The following RIMS2 variants were observed in gnomAD, a reference collection of about 807,000 sequenced individuals.
The protein encoded by RIMS2 is regulating synaptic membrane exocytosis protein 2.
RIMS2 carries 59 observed loss-of-function variants against 174.4 expected under a neutral mutation model. The observed-to-expected ratio is 0.34, with a 90% confidence interval of 0.27 to 0.42. The LOEUF is 0.42. RIMS2 is among the 10% of genes least tolerant of loss of function. RIMS2 has a pLI of 1.00. For missense variants in RIMS2, 1,620 were observed against 1,666.3 expected (o/e 0.97, Z 0.48); for synonymous variants, 606 against 572.5 (o/e 1.06, Z -0.84).
chr8:103,794,134 A>T (rs750863536), intron 3 of RIMS2, among the ~76,000 whole-genome samples: 2 of 152,206 alleles, frequency 1.3e-5, no homozygotes, highest in African/African-American at 2.4e-5. Flanking sequence ...TGACCATCCT[A>T]AGCCAAAAGA....
At chr8:104,118,949 C>A (rs995765750) in intron 19 of RIMS2, among the ~76,000 whole-genome samples, 2 of 152,044 alleles carry the variant, frequency 1.3e-5, no homozygotes, top group African/African-American at 4.8e-5. Context: ...ACCTAATTAC[C>A]TCCCAAAGGG....
At chr8:103,836,888 G>T (rs1203542799) in intron 3 of RIMS2, among the ~76,000 whole-genome samples, 2 of 152,172 alleles carry the variant, frequency 1.3e-5, no homozygotes, top group Non-Finnish European at 2.9e-5. Flanking sequence ...TGCAACAAAT[G>T]TATAGATGAG....
intron 1 of RIMS2, among the ~76,000 whole-genome samples, chr8:103,621,245 A>G (rs2059587): frequency 0.38 from 57,283 of 152,072 alleles, 11,141 homozygotes; most frequent in African/African-American, 0.4. Flanking sequence ...GTTTTGCCAC[A>G]AGAGTACACT....
At position 103,843,791 on chromosome 8, in the gene RIMS2, C is replaced by T. The variant is rs1203236416; in HGVS notation, c.699-41507C>T. On this transcript the variant is annotated intron_variant, in intron 3 of 23. Coordinates refer to ENST00000504942, the Ensembl canonical transcript of RIMS2. ...AATAATTATTTGTCTTTTTTATCGT[C>T]TTTTAGAATCTTATAAAAATTTATG... Among the ~76,000 whole-genome samples the T allele has an allele frequency of 2.6e-5, 4 of 152,046 alleles. No individual in the cohort carries two copies. The East Asian group carries it at 7.7e-4, about 29-fold the overall frequency.
intron 3 of RIMS2, among the ~76,000 whole-genome samples, chr8:103,777,570 TA>T (rs1295534483): frequency 2.6e-5 from 4 of 152,002 alleles, no homozygotes; most frequent in Non-Finnish European, 5.9e-5. Context: ...TTTATTTAAG[TA>T]AAAAGCTATT....
rs201525954 is a variant in RIMS2 at position 103,829,094 on chromosome 8, T to G, written c.699-56204T>G. On this transcript the variant is annotated intron_variant, in intron 3 of 23. Transcript: ENST00000504942. ...TGTGAATTTAATAATAGGTTTTTTT[T>G]TTTTTTTTTGCTAATTTGGTGCAAA... Among the ~76,000 whole-genome samples the G allele has an allele frequency of 4.6e-5, 7 of 151,764 alleles. 1 individual carries two copies. Among genetic ancestry groups the G allele is most frequent in the African/African-American group, 1.7e-4 (7 of 41,458 alleles).
At chr8:103,840,873 A>G (rs977753671) in intron 3 of RIMS2, among the ~76,000 whole-genome samples, 1 of 152,212 alleles carries the variant, frequency 6.6e-6, no homozygotes, top group Non-Finnish European at 1.5e-5. Context: ...CAAAAATATA[A>G]TTATAGCATA....
chr8:103,501,015 C>A, exon 1 of RIMS2: 1 of 1,610,932 alleles, frequency 6.2e-7, no homozygotes, highest in African/African-American at 1.3e-5. Flanking sequence ...TCCTGGCCGT[C>A]ATGGATAGGC....
chr8:104,239,784 A>G (rs2099277161), intron 19 of RIMS2, among the ~76,000 whole-genome samples: 1 of 152,182 alleles, frequency 6.6e-6, no homozygotes, highest in South Asian at 2.1e-4. Context: ...CCATTTATTA[A>G]TTCACAGTTC....
chr8:104,238,611 C>T (rs1035954828), intron 19 of RIMS2, among the ~76,000 whole-genome samples: 2 of 151,960 alleles, frequency 1.3e-5, no homozygotes, highest in Non-Finnish European at 2.9e-5. Context: ...GTAGAATTTA[C>T]AATTATTGAT....
intron 1 of RIMS2, among the ~76,000 whole-genome samples, chr8:103,524,826 G>T (rs1406740887): frequency 6.6e-6 from 1 of 152,204 alleles, no homozygotes; most frequent in Non-Finnish European, 1.5e-5. Context: ...GTAGTTATCT[G>T]GTGCTGCTAT....
exon 20 of RIMS2, chr8:104,244,975 G>A (rs377163259): frequency 3.8e-5 from 61 of 1,613,608 alleles, no homozygotes; most frequent in African/African-American, 5.3e-5. Flanking sequence ...AGGCCTGGCC[G>A]TGGAAATGAG....
At chr8:103,741,605 A>G (rs2097762417) in intron 2 of RIMS2, among the ~76,000 whole-genome samples, 1 of 152,106 alleles carries the variant, frequency 6.6e-6, no homozygotes, top group Non-Finnish European at 1.5e-5. Context: ...GACTTATCAA[A>G]TGACTATTTA....
At chr8:104,179,890 G>T (rs2098929945) in intron 19 of RIMS2, among the ~76,000 whole-genome samples, 1 of 151,562 alleles carries the variant, frequency 6.6e-6, no homozygotes, top group South Asian at 2.1e-4. Flanking sequence ...ATCTCCCAAA[G>T]ATAACCCCTG....
At chr8:104,063,712 T>G (rs1337132699) in intron 19 of RIMS2, among the ~76,000 whole-genome samples, 1 of 152,202 alleles carries the variant, frequency 6.6e-6, no homozygotes, top group African/African-American at 2.4e-5. Context: ...TTTGAGCATT[T>G]TGTTTAAGAC....
rs537108446 is a variant in RIMS2, at chr8:104,012,335, G to A, written c.3045-1107G>A. ...TTGCCATATAATTCATGACATTTGGGAAATTATGTCCTTTTTTTCTTTTTT... is the reference window on the plus strand; with the variant it reads ...TTGCCATATAATTCATGACATTTGGAAAATTATGTCCTTTTTTTCTTTTTT... On this transcript the variant is annotated intron_variant, in intron 17 of 23. Coordinates refer to ENST00000504942, the Ensembl canonical transcript of RIMS2. 2.3e-4 allele frequency among the ~76,000 whole-genome samples: 34 copies of A among 150,390 alleles called. No individual in the cohort carries two copies. The South Asian group carries it at 4.0e-3, about 18-fold the overall frequency.
At chr8:104,223,811 C>T (rs779249129) in intron 19 of RIMS2, 38 of 1,588,028 alleles carry the variant, frequency 2.4e-5, no homozygotes, top group Non-Finnish European at 3.0e-5. Context: ...ACCCCTTCCC[C>T]CGTAGTTGGT....
intron 19 of RIMS2, among the ~76,000 whole-genome samples, chr8:104,018,796 T>C (rs1213247416): frequency 6.6e-6 from 1 of 152,154 alleles, no homozygotes; most frequent in African/African-American, 2.4e-5. Flanking sequence ...TTCCATTATA[T>C]TTTTTTCCTA....
Position 103,750,848 on chromosome 8 carries a change from T to C in RIMS2, c.388-15379T>C, listed in dbSNP as rs138010959. Among the ~76,000 whole-genome samples, 403 of 152,236 alleles carry C rather than the reference T, an allele frequency of 2.6e-3. 5 individuals are homozygous for C. The highest frequency in any genetic ancestry group is 8.5e-3 in the African/African-American group (353 of 41,510). ...GTGAGTCAATTAAACCACTTGTCTTTATAAATTACCCAGCGATATGCTTTG... is the reference window on the plus strand; with the variant it reads ...GTGAGTCAATTAAACCACTTGTCTTCATAAATTACCCAGCGATATGCTTTG... On this transcript the variant is annotated intron_variant, in intron 2 of 23. Coordinates refer to ENST00000504942, the Ensembl canonical transcript of RIMS2.
Sources: allele counts gnomAD v4.1 joint callset (sites outside exome capture counted in the v4.1 genomes callset), GRCh38; gene constraint gnomAD v4.1.1; transcripts MANE v1.5; gene names NCBI Gene and HGNC (gene_info 2026-07-23, HGNC 2026-07-21).